The following PRKCA variants were observed in gnomAD, a reference collection of about 807,000 sequenced individuals.
PRKCA encodes protein kinase C alpha, also known as protein kinase C alpha type.
PRKCA carries 27 observed loss-of-function variants against 87.0 expected under a neutral mutation model. The observed-to-expected ratio is 0.31, with a 90% confidence interval of 0.23 to 0.43. The LOEUF is 0.43. Ranked by LOEUF, PRKCA falls within the 20% of genes least tolerant of loss-of-function variation. The pLI, the probability that PRKCA is intolerant of heterozygous loss-of-function variation, is 1.00. For synonymous variants in PRKCA, 329 were observed against 311.1 expected (o/e 1.06, Z -0.61); for missense variants, 518 against 852.3 (o/e 0.61, Z 4.88).
chr17:66,516,643 G>A (rs1457903096), intron 3 of PRKCA, among the ~76,000 whole-genome samples: 1 of 150,972 alleles, frequency 6.6e-6, no homozygotes, highest in Non-Finnish European at 1.5e-5. Context: ...AAAAAAAAAA[G>A]AATAAGTTGC....
At chr17:66,641,511 C>T (rs752596119) in intron 4 of PRKCA, 45 bp downstream of exon 4, 2 of 1,441,898 alleles carry the variant, frequency 1.4e-6, no homozygotes, top group Non-Finnish European at 1.9e-6. Flanking sequence ...CTCTGTAGCT[C>T]ATGCTCAGGG....
chr17:66,777,200 C>G, intron 14 of PRKCA: 1 of 985,412 alleles, frequency 1.0e-6, no homozygotes, highest in Non-Finnish European at 1.2e-6. Flanking sequence ...CCTGTTGTAA[C>G]ACTGTGACCA....
intron 3 of PRKCA, among the ~76,000 whole-genome samples, chr17:66,523,150 A>G (rs1945361849): frequency 1.3e-5 from 2 of 152,188 alleles, no homozygotes; most frequent in African/African-American, 4.8e-5. Flanking sequence ...TCACACTGTC[A>G]TTCTGGCTGC....
chr17:66,305,535 C>T (rs868319598), intron 1 of PRKCA, among the ~76,000 whole-genome samples: 1 of 152,156 alleles, frequency 6.6e-6, no homozygotes, highest in Admixed American at 6.6e-5. Context: ...GAAATTAGAT[C>T]GTGGTCATCT....
chr17:66,780,251 A>G (rs954701549), intron 14 of PRKCA, among the ~76,000 whole-genome samples: 2 of 152,230 alleles, frequency 1.3e-5, no homozygotes, highest in Non-Finnish European at 2.9e-5. Flanking sequence ...GCCATGGAAC[A>G]GTGGATCTGT....
chr17:66,513,731 G>T (rs749616138), intron 3 of PRKCA, among the ~76,000 whole-genome samples: 17 of 152,162 alleles, frequency 1.1e-4, no homozygotes, highest in Non-Finnish European at 1.9e-4. Flanking sequence ...CAGCCATTAA[G>T]AATGATGCTT....
intron 3 of PRKCA, among the ~76,000 whole-genome samples, chr17:66,582,474 T>C (rs1969474803): frequency 6.6e-6 from 1 of 152,108 alleles, no homozygotes; most frequent in Non-Finnish European, 1.5e-5. Context: ...AGTGGATAAG[T>C]CTCATGAGAA....
intron 2 of PRKCA, among the ~76,000 whole-genome samples, chr17:66,376,522 C>T (rs560134500): frequency 6.6e-6 from 1 of 151,854 alleles, no homozygotes; most frequent in Non-Finnish European, 1.5e-5. Context: ...GCAGGAGAAT[C>T]GCTTGAACCT....
At chr17:66,799,781 A>G (rs577712345) in intron 16 of PRKCA, among the ~76,000 whole-genome samples, 209 of 151,740 alleles carry the variant, frequency 1.4e-3, no homozygotes, top group African/African-American at 5.0e-3. Flanking sequence ...TAGATTGTCT[A>G]TTTCCAGGGC....
chr17:66,595,704 G>A (rs919410408), intron 3 of PRKCA, among the ~76,000 whole-genome samples: 1 of 151,832 alleles, frequency 6.6e-6, no homozygotes, highest in African/African-American at 2.4e-5. Flanking sequence ...CTCGTGATCC[G>A]CCCGCCTCGG....
intron 3 of PRKCA, among the ~76,000 whole-genome samples, chr17:66,552,238 C>T (rs1968357918): frequency 6.6e-6 from 1 of 152,110 alleles, no homozygotes; most frequent in Non-Finnish European, 1.5e-5. Context: ...TTAGAGGGTG[C>T]AGTGAGCCAT....
At chr17:66,436,363 T>C (rs1334828672) in intron 2 of PRKCA, among the ~76,000 whole-genome samples, 2 of 152,166 alleles carry the variant, frequency 1.3e-5, no homozygotes, top group East Asian at 1.9e-4. Context: ...TTTTGCAACC[T>C]TGACCAAATG....
intron 8 of PRKCA, among the ~76,000 whole-genome samples, chr17:66,698,996 AT>A (rs747559200): frequency 2.0e-5 from 3 of 150,768 alleles, no homozygotes; most frequent in Admixed American, 6.6e-5. Context: ...GAAAAAAAAA[AT>A]GTCTGCAAAC....
chr17:66,507,101 A>G (rs1441907927), intron 3 of PRKCA, among the ~76,000 whole-genome samples: 1 of 152,172 alleles, frequency 6.6e-6, no homozygotes, highest in Non-Finnish European at 1.5e-5. Flanking sequence ...TTGAGCATTT[A>G]TTGTGTGTGA....
intron 5 of PRKCA, among the ~76,000 whole-genome samples, chr17:66,653,901 G>A (rs1971660167): frequency 6.6e-6 from 1 of 152,002 alleles, no homozygotes; most frequent in Non-Finnish European, 1.5e-5. Flanking sequence ...CATAATAAGA[G>A]GGGTAACTGC....
intron 2 of PRKCA, among the ~76,000 whole-genome samples, chr17:66,454,820 T>TC (rs1367133192): frequency 6.6e-6 from 1 of 152,188 alleles, no homozygotes; most frequent in Non-Finnish European, 1.5e-5. Context: ...CTAAACCGTA[T>TC]CAGTAGGTTT....
At chr17:66,748,045 T>C (rs539671119) in intron 13 of PRKCA, among the ~76,000 whole-genome samples, 1 of 152,312 alleles carries the variant, frequency 6.6e-6, no homozygotes, top group South Asian at 2.1e-4. Context: ...GACAGGGCAG[T>C]ATTCTCAGCA....
intron 2 of PRKCA, among the ~76,000 whole-genome samples, chr17:66,440,961 G>C (rs950898407): frequency 3.3e-5 from 5 of 151,898 alleles, no homozygotes; most frequent in Non-Finnish European, 7.4e-5. Context: ...TTAGGAGTTT[G>C]AGATCAGCCT....
In PRKCA at chr17:66,809,778, T is replaced by TC. The variant is rs1976124613; in HGVS notation, c.*5746dup. 6.6e-6 allele frequency: 1 copy of TC among 152,116 alleles called. No homozygotes were observed. The highest frequency in any genetic ancestry group is 1.5e-5 in the Non-Finnish European group (1 of 68,008). 9.4% of individuals were successfully genotyped at this position (152,116 alleles called of 1,614,324 possible). On this transcript the variant is annotated 3_prime_UTR_variant, in exon 17 of 17. Transcript: ENST00000413366. Reference sequence around the variant, plus strand: ...AACCACAGGAAAGACATTTTTAGTGTCCCCCATCCAGAGGCAGCCCTGGAA... The same window carrying TC: ...AACCACAGGAAAGACATTTTTAGTGTCCCCCCATCCAGAGGCAGCCCTGGAA...
Sources: allele counts gnomAD v4.1 joint callset (sites outside exome capture counted in the v4.1 genomes callset), GRCh38; gene constraint gnomAD v4.1.1; transcripts MANE v1.5; gene names NCBI Gene and HGNC (gene_info 2026-07-23, HGNC 2026-07-21).